Variants in MYO9A observed in about 807,000 individuals in gnomAD.
MYO9A encodes unconventional myosin-IXa.
Under a neutral mutation model 293.3 loss-of-function variants are expected in MYO9A, and 103 were observed. That is an observed-to-expected ratio of 0.35 (90% CI 0.30 to 0.41). MYO9A has a LOEUF of 0.41. Ranked by LOEUF, MYO9A falls within the 10% of genes least tolerant of loss-of-function variation. The pLI, the probability that MYO9A is intolerant of heterozygous loss-of-function variation, is 1.00. For missense variants in MYO9A, 2,685 were observed against 3,033.0 expected (o/e 0.89, Z 2.69); for synonymous variants, 1,001 against 1,035.7 (o/e 0.97, Z 0.64).
chr15:71,980,919 T>C (rs1332341632), intron 11 of MYO9A, among the ~76,000 whole-genome samples: 2 of 152,222 alleles, frequency 1.3e-5, no homozygotes, highest in Non-Finnish European at 1.5e-5. Context: ...AAGCACTCAG[T>C]CTTTTTCATT....
chr15:72,056,192 T>C (rs2078713036), intron 1 of MYO9A, among the ~76,000 whole-genome samples: 1 of 152,202 alleles, frequency 6.6e-6, no homozygotes, highest in African/African-American at 2.4e-5. Context: ...TATGCCACTG[T>C]GCTCCAACCT....
At chr15:71,993,954 CAA>C (rs34602189) in intron 10 of MYO9A, among the ~76,000 whole-genome samples, 2 of 119,774 alleles carry the variant, frequency 1.7e-5, no homozygotes, top group African/African-American at 3.2e-5. Context: ...GACACCGTCT[CAA>C]AAAAAAAAAA....
chr15:72,106,071 G>T (rs1333843478), intron 1 of MYO9A, among the ~76,000 whole-genome samples: 2 of 152,102 alleles, frequency 1.3e-5, no homozygotes, highest in Non-Finnish European at 2.9e-5. Context: ...TATGAAAAGA[G>T]AATACATATA....
intron 34 of MYO9A, among the ~76,000 whole-genome samples, chr15:71,858,016 T>C (rs1173865979): frequency 6.6e-6 from 1 of 152,302 alleles, no homozygotes; most frequent in Non-Finnish European, 1.5e-5. Context: ...ATGCTCATCA[T>C]CACTGGCCAT....
intron 40 of MYO9A, among the ~76,000 whole-genome samples, chr15:71,829,374 T>A (rs879416125): frequency 1.3e-5 from 2 of 152,076 alleles, no homozygotes; most frequent in South Asian, 4.2e-4. Context: ...AAAGATCCCA[T>A]TAAGACTTCC....
intron 32 of MYO9A, among the ~76,000 whole-genome samples, chr15:71,863,459 C>CA (rs567658197): frequency 3.3e-4 from 49 of 146,604 alleles, no homozygotes; most frequent in Middle Eastern, 3.5e-3. Context: ...ATCTTTAAAG[C>CA]AAAAAAAAAT....
At chr15:71,992,926 CA>C (rs1279073567) in intron 10 of MYO9A, among the ~76,000 whole-genome samples, 1 of 151,322 alleles carries the variant, frequency 6.6e-6, no homozygotes, top group African/African-American at 2.4e-5. Context: ...GAATTAACTG[CA>C]AAAAAATTAC....
At chr15:72,050,458 T>G (rs1315617656) in intron 1 of MYO9A, among the ~76,000 whole-genome samples, 1 of 151,900 alleles carries the variant, frequency 6.6e-6, no homozygotes, top group African/African-American at 2.4e-5. Flanking sequence ...AATACAAAAA[T>G]TAGCCAGGCA....
chr15:71,846,753 T>G (rs1010512272), intron 39 of MYO9A, among the ~76,000 whole-genome samples: 1 of 224 alleles, frequency 4.5e-3, no homozygotes, highest in Non-Finnish European at 7.4e-3. Context: ...GTTCTCAGCC[T>G]TCCATCCCCC....
intron 9 of MYO9A, among the ~76,000 whole-genome samples, chr15:71,997,416 T>C (rs1038032028): frequency 6.6e-6 from 1 of 152,008 alleles, no homozygotes; most frequent in Non-Finnish European, 1.5e-5. Context: ...CTGACCAACA[T>C]GGTGAAACCC....
At chr15:71,951,684 A>G in intron 15 of MYO9A, 93 bp downstream of exon 15, 1 of 1,499,174 alleles carries the variant, frequency 6.7e-7, no homozygotes, top group Non-Finnish European at 9.2e-7. Flanking sequence ...CATGTTGCCC[A>G]TACAATCTAT....
chr15:71,838,863 T>G (rs947854787), intron 39 of MYO9A, among the ~76,000 whole-genome samples: 2 of 152,190 alleles, frequency 1.3e-5, no homozygotes, highest in African/African-American at 2.4e-5. Context: ...CTGAATTCAT[T>G]CCTTTCAAGT....
chr15:72,118,157 C>T (rs1021652693), upstream of MYO9A: 12 of 373,850 alleles, frequency 3.2e-5, no homozygotes, highest in Non-Finnish European at 5.2e-5. Context: ...GCGCACTTAC[C>T]TCCCACGCCC....
intron 8 of MYO9A, among the ~76,000 whole-genome samples, chr15:72,002,194 T>C (rs1455907366): frequency 1.3e-5 from 2 of 151,530 alleles, no homozygotes; most frequent in African/African-American, 4.9e-5. Context: ...GCCATGATCG[T>C]GCCACTGCAT....
At chr15:71,911,556 C>A (rs1345285053) in intron 19 of MYO9A, among the ~76,000 whole-genome samples, 2 of 152,262 alleles carry the variant, frequency 1.3e-5, no homozygotes, top group African/African-American at 4.8e-5. Flanking sequence ...GGAGTAGCAG[C>A]TTTACCAGTA....
At chr15:71,906,758 C>CTTTCTTTTTTTTTTCTTTTTTTTTTTTTT (rs765264146) in intron 19 of MYO9A, among the ~76,000 whole-genome samples, 1 of 61,012 alleles carries the variant, frequency 1.6e-5, no homozygotes, top group African/African-American at 6.4e-5. Context: ...CCATTTCTTT[C>CTTTCTTTTTTTTTTCTTTTTTTTTTTTTT]TTTTTTTTTT....
intron 1 of MYO9A, among the ~76,000 whole-genome samples, chr15:72,103,440 G>A (rs922276884): frequency 6.7e-6 from 1 of 149,810 alleles, no homozygotes; most frequent in Admixed American, 6.6e-5. Context: ...AGCAGCAGAA[G>A]CAGAAGCAGC....
At chr15:71,956,666 T>C (rs1451147695) in intron 14 of MYO9A, among the ~76,000 whole-genome samples, 1 of 150,488 alleles carries the variant, frequency 6.6e-6, no homozygotes. Context: ...TATATCTATA[T>C]ATATCTATCT....
chr15:72,104,759 C>T (rs1354898902), intron 1 of MYO9A, among the ~76,000 whole-genome samples: 1 of 152,200 alleles, frequency 6.6e-6, no homozygotes, highest in African/African-American at 2.4e-5. Context: ...TAGGATACAT[C>T]TGTTCTGCCC....
Sources: gnomAD v4.1 joint callset for allele counts (sites outside exome capture counted in the v4.1 genomes callset) on GRCh38, gnomAD v4.1.1 for gene constraint, MANE v1.5 for transcripts, NCBI Gene and HGNC (gene_info 2026-07-23, HGNC 2026-07-21) for gene names.